Variants in FNBP1L observed in about 807,000 individuals in gnomAD.
FNBP1L encodes formin-binding protein 1-like.
FNBP1L carries 36 observed loss-of-function variants against 91.2 expected under a neutral mutation model. The ratio of observed to expected loss-of-function variants is 0.39; its 90% CI spans 0.30 to 0.52. The LOEUF is 0.52. Among genes scored for constraint, FNBP1L ranks in the 20% least tolerant of loss-of-function variants. FNBP1L has a pLI of 0.66. For missense variants in FNBP1L, 571 were observed against 732.1 expected, an observed-to-expected ratio of 0.78 and a Z score of 2.54; for synonymous variants, 242 against 237.0, an observed-to-expected ratio of 1.02 and a Z score of -0.19.
chr1:93,451,418 A>G (rs1668489021), intron 1 of FNBP1L, among the ~76,000 whole-genome samples: 1 of 152,220 alleles, frequency 6.6e-6, no homozygotes, highest in Non-Finnish European at 1.5e-5. Context: ...GTGTGTATAA[A>G]TATGAAAAAA....
chr1:93,477,392 T>C (rs1669534447), intron 1 of FNBP1L, among the ~76,000 whole-genome samples: 1 of 152,232 alleles, frequency 6.6e-6, no homozygotes, highest in Admixed American at 6.5e-5. Context: ...TCTGTTGGAA[T>C]AAAAACGAGG....
chr1:93,454,870 A>AGGTTATGTG (rs1204307903), intron 1 of FNBP1L, among the ~76,000 whole-genome samples: 1 of 152,262 alleles, frequency 6.6e-6, no homozygotes, highest in East Asian at 1.9e-4. Flanking sequence ...CGATGTGTGT[A>AGGTTATGTG]GGTTATGTGG....
At chr1:93,474,532 C>T (rs1005581977) in intron 1 of FNBP1L, among the ~76,000 whole-genome samples, 16 of 152,262 alleles carry the variant, frequency 1.1e-4, no homozygotes, top group South Asian at 2.1e-4. Context: ...AATAGACGTG[C>T]CTAGCCTGAG....
chr1:93,452,016 T>C (rs1272363214), intron 1 of FNBP1L, among the ~76,000 whole-genome samples: 1 of 152,206 alleles, frequency 6.6e-6, no homozygotes, highest in Non-Finnish European at 1.5e-5. Flanking sequence ...CTGAAAAATG[T>C]GGGTTGAGTG....
intron 10 of FNBP1L, among the ~76,000 whole-genome samples, chr1:93,537,319 A>G (rs984244137): frequency 5.3e-5 from 8 of 152,214 alleles, no homozygotes; most frequent in Non-Finnish European, 1.0e-4. Context: ...TAAGAAGCCT[A>G]ACAATAATAA....
intron 1 of FNBP1L, among the ~76,000 whole-genome samples, chr1:93,498,275 G>T (rs1242281030): frequency 4.6e-5 from 7 of 151,772 alleles, no homozygotes; most frequent in Admixed American, 3.3e-4. Context: ...TGTTTTTTTT[G>T]TTTGTTTGTT....
chr1:93,454,712 A>G (rs1023235131), intron 1 of FNBP1L, among the ~76,000 whole-genome samples: 1 of 152,064 alleles, frequency 6.6e-6, no homozygotes, highest in Non-Finnish European at 1.5e-5. Flanking sequence ...GATTCAACCA[A>G]CCATGGACTG....
At chr1:93,504,442 T>C (rs1272958995) in intron 2 of FNBP1L, among the ~76,000 whole-genome samples, 1 of 152,200 alleles carries the variant, frequency 6.6e-6, no homozygotes, top group Non-Finnish European at 1.5e-5. Context: ...CATGTGGAAC[T>C]ATAATTCCAA....
chr1:93,532,159 T>C (rs1002341089), intron 7 of FNBP1L, among the ~76,000 whole-genome samples: 1 of 151,862 alleles, frequency 6.6e-6, no homozygotes, highest in Non-Finnish European at 1.5e-5. Context: ...GTATCCTGAA[T>C]TAACTTGAGG....
chr1:93,545,414 C>T (rs1328943570), intron 12 of FNBP1L, among the ~76,000 whole-genome samples: 3 of 152,058 alleles, frequency 2.0e-5, no homozygotes, highest in African/African-American at 7.2e-5. Flanking sequence ...ATGTCCAAAA[C>T]AAGAGTAAAG....
chr1:93,483,813 A>T (rs1329185311), intron 1 of FNBP1L, among the ~76,000 whole-genome samples: 1 of 152,236 alleles, frequency 6.6e-6, no homozygotes, highest in African/African-American at 2.4e-5. Context: ...CAAATAATAA[A>T]TAGTCTTAGA....
In FNBP1L at chr1:93,554,518, T is replaced by C. The variant is rs570182222; in HGVS notation, c.*2102T>C. ...TCTTAAATTTTGAACATGTGAATTG[T>C]CCCAAAAAATCTTTAATTTTTTGGT... On this transcript the variant is annotated 3_prime_UTR_variant, in exon 17 of 17. Coordinates refer to ENST00000271234, the MANE Select transcript of FNBP1L (RefSeq NM_001164473.3). 1.3e-5 allele frequency: 2 copies of C among 152,776 alleles called. No individual in the cohort carries two copies. Among genetic ancestry groups the C allele is most frequent in the South Asian group, 4.1e-4 (2 of 4,828 alleles). 9.5% of individuals were successfully genotyped at this position (152,776 alleles called of 1,614,324 possible). A position where few individuals can be genotyped will look rare whatever the true frequency, so the allele number is the denominator to read the frequency against.
chr1:93,528,491 T>C (rs1007418194), intron 5 of FNBP1L, among the ~76,000 whole-genome samples: 2 of 152,216 alleles, frequency 1.3e-5, no homozygotes, highest in African/African-American at 4.8e-5. Flanking sequence ...AAAATGATGG[T>C]AAATGCATTT....
At chr1:93,480,813 C>T (rs981379177) in intron 1 of FNBP1L, among the ~76,000 whole-genome samples, 17 of 152,190 alleles carry the variant, frequency 1.1e-4, no homozygotes, top group South Asian at 4.1e-4. Context: ...CCGCCTGCCT[C>T]GGCCTCCCAA....
Position 93,551,262 on chromosome 1 carries a change from G to A in FNBP1L, c.1810+157G>A, listed in dbSNP as rs1292834025. 4 of 1,302,100 alleles carry A rather than the reference G, an allele frequency of 3.1e-6. No individual in the cohort carries two copies. The East Asian group carries it at 1.1e-4, about 36-fold the overall frequency. The allele number at this position is 1,302,100 out of a possible 1,614,324, so 80.7% of individuals were successfully genotyped here. A position where few individuals can be genotyped will look rare whatever the true frequency, so the allele number is the denominator to read the frequency against. On this transcript the variant is annotated intron_variant, in intron 16 of 16. Coordinates refer to ENST00000271234, the MANE Select transcript of FNBP1L (RefSeq NM_001164473.3). ...TGTTCACTATGTGAGCTGAGTGTAG[G>A]CTTGATCTTGTGAATATTACCACAA... is the stretch of plus-strand genomic sequence containing the variant.
Position 93,533,008 on chromosome 1 carries a change from C to A in FNBP1L, c.726C>A (p.Pro242=). 1.2e-6 allele frequency: 2 copies of A among 1,613,140 alleles called. No individual in the cohort carries two copies. The highest frequency in any genetic ancestry group is 1.7e-6 in the Non-Finnish European group (2 of 1,179,426). The part of the protein sequence containing the change: ...GFADSERKVI[P]IISKCLEGMI... ...CTGACTCAGAACGCAAAGTTATTCC[C>A]ATCATTTCAAAATGTTTGGAAGGAA... Residue 242 remains proline, a synonymous_variant, in exon 8 of 17, where the codon CCC becomes CCA. Coordinates refer to ENST00000271234, the MANE Select transcript of FNBP1L (RefSeq NM_001164473.3).
At chr1:93,541,205 C>T in intron 11 of FNBP1L, 149 bp downstream of exon 11, 2 of 675,598 alleles carry the variant, frequency 3.0e-6, no homozygotes, top group Non-Finnish European at 5.0e-6. Context: ...CCAGCATATG[C>T]CAGTACTCTT....
chr1:93,504,877 T>C (rs144629604), intron 2 of FNBP1L, among the ~76,000 whole-genome samples: 1 of 152,326 alleles, frequency 6.6e-6, no homozygotes, highest in African/African-American at 2.4e-5. Context: ...TCCCATTCTA[T>C]AGGTTGCCTT....
chr1:93,503,791 A>G (rs1188968308), intron 2 of FNBP1L, among the ~76,000 whole-genome samples: 1 of 152,224 alleles, frequency 6.6e-6, no homozygotes, highest in Admixed American at 6.5e-5. Flanking sequence ...TTGTATTTGT[A>G]TAACAGATTA....
Sources: gnomAD v4.1 joint callset for allele counts (sites outside exome capture counted in the v4.1 genomes callset) on GRCh38, gnomAD v4.1.1 for gene constraint, MANE v1.5 for transcripts, NCBI Gene and HGNC (gene_info 2026-07-23, HGNC 2026-07-21) for gene names.